The following BACH2 variants were observed in gnomAD, a reference collection of about 807,000 sequenced individuals.
BACH2 encodes BACH transcriptional regulator 2.
In BACH2, 5 loss-of-function variants were observed where a neutral mutation model predicts 61.8. The ratio of observed to expected loss-of-function variants is 0.08; its 90% confidence interval spans 0.04 to 0.17. The LOEUF (loss-of-function observed/expected upper bound fraction) is 0.17. BACH2 is among the 10% of genes least tolerant of loss of function. The probability of loss-of-function intolerance (pLI) is 1.00; values close to 1 mark genes in which losing one functional copy is unlikely to be tolerated. For synonymous variants in BACH2, 446 were observed against 440.1 expected, an observed-to-expected ratio of 1.01 and a Z score of -0.17; for missense variants, 824 against 1,091.1, an observed-to-expected ratio of 0.76 and a Z score of 3.45.
intron 4 of BACH2, among the ~76,000 whole-genome samples, chr6:90,205,502 G>A (rs1319128161): frequency 6.6e-6 from 1 of 152,164 alleles, no homozygotes; most frequent in Admixed American, 6.5e-5. Context: ...TTAGAGTGAA[G>A]GGAAGGGGAT....
At chr6:90,012,051 C>T (rs1777756473) in intron 5 of BACH2, among the ~76,000 whole-genome samples, 1 of 151,782 alleles carries the variant, frequency 6.6e-6, no homozygotes, top group Non-Finnish European at 1.5e-5. Flanking sequence ...CTACCTCAGC[C>T]TCCTAAAGTG....
At chr6:90,287,789 T>C (rs751944911) in intron 1 of BACH2, among the ~76,000 whole-genome samples, 1 of 152,228 alleles carries the variant, frequency 6.6e-6, no homozygotes, top group South Asian at 2.1e-4. Flanking sequence ...TTTGGCTTTG[T>C]CTCCTATTAA....
chr6:90,138,907 C>T (rs898113427), intron 4 of BACH2, among the ~76,000 whole-genome samples: 8 of 152,080 alleles, frequency 5.3e-5, no homozygotes, highest in Non-Finnish European at 1.0e-4. Context: ...AACAAGAAAG[C>T]GGAATGGGAA....
intron 4 of BACH2, among the ~76,000 whole-genome samples, chr6:90,100,712 C>CACACACACACAG (rs1562444049): frequency 1.9e-4 from 17 of 91,008 alleles, no homozygotes; most frequent in Non-Finnish European, 3.1e-4. Context: ...GACACACACA[C>CACACACACACAG]ACACACACAC....
chr6:90,083,857 T>C (rs1781819687), intron 5 of BACH2, among the ~76,000 whole-genome samples: 4 of 152,320 alleles, frequency 2.6e-5, no homozygotes, highest in Middle Eastern at 6.8e-3. Flanking sequence ...GAATATTTTT[T>C]ATTATTTTGA....
intron 6 of BACH2, among the ~76,000 whole-genome samples, chr6:89,988,109 G>A (rs1776342231): frequency 6.6e-6 from 1 of 152,174 alleles, no homozygotes; most frequent in African/African-American, 2.4e-5. Context: ...TTGATAGGAT[G>A]AAATAGAAGG....
intron 4 of BACH2, among the ~76,000 whole-genome samples, chr6:90,093,974 G>GAGGT (rs1251897134): frequency 5.9e-5 from 9 of 152,188 alleles, no homozygotes; most frequent in Non-Finnish European, 1.3e-4. Flanking sequence ...AGTTTAAAAA[G>GAGGT]AGGTATCTGA....
chr6:89,932,028 C>A lies in BACH2; in HGVS notation c.*380G>T. 1 of 180,562 alleles carries A rather than the reference C, an allele frequency of 5.5e-6. No individual in the cohort carries two copies. Among genetic ancestry groups the A allele is most frequent in the Admixed American group, 5.4e-5 (1 of 18,496 alleles). 11.2% of individuals were successfully genotyped at this position (180,562 alleles called of 1,614,324 possible). ...CTTTGATGTGTATAGAAGCTGTCTT[C>A]AATGAAAAAAATTGAACATTCAGAA... On this transcript the variant is annotated 3_prime_UTR_variant, in exon 9 of 9. Coordinates refer to ENST00000257749, the MANE Select transcript of BACH2 (RefSeq NM_021813.4).
intron 4 of BACH2, among the ~76,000 whole-genome samples, chr6:90,147,037 A>C (rs1784643299): frequency 6.6e-6 from 1 of 152,164 alleles, no homozygotes; most frequent in Admixed American, 6.5e-5. Context: ...ATTTTTCCCG[A>C]AAGGGTAGAA....
At chr6:89,975,167 T>C (rs547037195) in intron 6 of BACH2, among the ~76,000 whole-genome samples, 13 of 152,356 alleles carry the variant, frequency 8.5e-5, no homozygotes, top group African/African-American at 3.1e-4. Context: ...AGACCTTAGA[T>C]TGAGAGCCAA....
rs74990936 is a variant in BACH2 at position 90,111,800 on chromosome 6, T to C, written c.-161-22691A>G. On this transcript the variant is annotated intron_variant, in intron 4 of 8. Coordinates refer to ENST00000257749, the MANE Select transcript of BACH2 (RefSeq NM_021813.4). ...TTGTCTGTATTTCTAAAACAGAAAG[T>C]GAGTTTCCACAAGGGTAGGAATCTT... Among the ~76,000 whole-genome samples, 146 of 152,354 alleles carry C rather than the reference T, an allele frequency of 9.6e-4. 2 individuals are homozygous for C. In the East Asian group the frequency reaches 0.026, roughly 28 times the overall value.
chr6:90,078,675 G>A (rs997427017), intron 5 of BACH2, among the ~76,000 whole-genome samples: 11 of 152,094 alleles, frequency 7.2e-5, no homozygotes, highest in Admixed American at 4.6e-4. Context: ...CTTTATGTAC[G>A]TCATCTCACT....
chr6:90,272,697 A>G lies in BACH2; in HGVS notation c.-445-756T>C, dbSNP rs1479701518. Among the ~76,000 whole-genome samples the G allele has an allele frequency of 2.6e-5, 4 of 152,136 alleles. No homozygotes were observed. In the South Asian group the frequency reaches 6.2e-4, roughly 24 times the overall value. Reference sequence around the variant, plus strand: ...TGCTCATTCCCTCTTCTTCAATTCCAGTCATTCATCAAGGCCTCTTGATTT... The same window carrying G: ...TGCTCATTCCCTCTTCTTCAATTCCGGTCATTCATCAAGGCCTCTTGATTT... On this transcript the variant is annotated intron_variant, in intron 1 of 8. Coordinates refer to ENST00000257749, the MANE Select transcript of BACH2 (RefSeq NM_021813.4).
At position 90,296,246 on chromosome 6, in the gene BACH2, C is replaced by T. The variant is rs570969085; in HGVS notation, c.-446+234G>A. On this transcript the variant is annotated intron_variant, in intron 1 of 8. Transcript: ENST00000257749. ...CCGTAAACAGCCGGGAGGGAGAGCA[C>T]ACATTCGGCGCGGCGCGGCCGCCGG... 1.8e-4 allele frequency among the ~76,000 whole-genome samples: 27 copies of T among 152,070 alleles called. No individual in the cohort carries two copies. In the South Asian group the frequency reaches 5.6e-3, roughly 31 times the overall value.
intron 4 of BACH2, among the ~76,000 whole-genome samples, chr6:90,204,292 T>G (rs1416662820): frequency 6.6e-6 from 1 of 152,052 alleles, no homozygotes; most frequent in Non-Finnish European, 1.5e-5. Context: ...AGAACGTCAG[T>G]CACACCCACA....
At chr6:90,248,645 T>C (rs992294787) in intron 3 of BACH2, among the ~76,000 whole-genome samples, 7 of 152,100 alleles carry the variant, frequency 4.6e-5, no homozygotes, top group Admixed American at 1.3e-4. Context: ...GGGGTGGGCA[T>C]TTCAGGGAGA....
At chr6:90,024,190 T>C (rs2127785818) in intron 5 of BACH2, among the ~76,000 whole-genome samples, 1 of 152,284 alleles carries the variant, frequency 6.6e-6, no homozygotes, top group Non-Finnish European at 1.5e-5. Context: ...TGTAGGAGAA[T>C]GTTAACAACT....
At chr6:90,005,675 G>T in intron 6 of BACH2, among the ~76,000 whole-genome samples, 1 of 152,182 alleles carries the variant, frequency 6.6e-6, no homozygotes, top group East Asian at 1.9e-4. Flanking sequence ...TTCAAAGGAG[G>T]CCTCAGAAAC....
chr6:90,079,437 C>G (rs1781624005), intron 5 of BACH2, among the ~76,000 whole-genome samples: 1 of 152,248 alleles, frequency 6.6e-6, no homozygotes, highest in Non-Finnish European at 1.5e-5. Context: ...AAGGCAATTC[C>G]TTTTTAAAAA....
Sources: gnomAD v4.1 joint callset for allele counts (sites outside exome capture counted in the v4.1 genomes callset) on GRCh38, gnomAD v4.1.1 for gene constraint, MANE v1.5 for transcripts, NCBI Gene and HGNC (gene_info 2026-07-23, HGNC 2026-07-21) for gene names.